IFFO2: variants seen among roughly 807,000 people sequenced by gnomAD.
The protein encoded by IFFO2 is intermediate filament family orphan 2.
IFFO2 carries 19 observed loss-of-function variants against 53.5 expected under a neutral mutation model. The ratio of observed to expected loss-of-function variants is 0.36; its 90% CI spans 0.25 to 0.52. IFFO2 has a LOEUF of 0.52. IFFO2 is among the 20% of genes least tolerant of loss of function. IFFO2 has a pLI of 0.94. For synonymous variants in IFFO2, 303 were observed against 313.6 expected (o/e 0.97, Z 0.36); for missense variants, 570 against 727.4 (o/e 0.78, Z 2.49).
In IFFO2 at chr1:18,906,177, A is replaced by G. The variant is rs1392438251; in HGVS notation, c.*2384T>C. On this transcript the variant is annotated 3_prime_UTR_variant, in exon 9 of 9. Transcript: ENST00000455833. ...GTCCTCACTCCCAAGAGGAGAGCAGATATTAAAAGCCAGCCAGAAGGGACT... is the reference window on the plus strand; with the variant it reads ...GTCCTCACTCCCAAGAGGAGAGCAGGTATTAAAAGCCAGCCAGAAGGGACT... 6.6e-6 allele frequency: 1 copy of G among 152,236 alleles called. No homozygotes were observed. The highest frequency in any genetic ancestry group is 1.5e-5 in the Non-Finnish European group (1 of 68,066). The allele number at this position is 152,236 out of a possible 1,614,324, so 9.4% of individuals were successfully genotyped here.
intron 1 of IFFO2, among the ~76,000 whole-genome samples, chr1:18,951,565 G>A (rs1424046741): frequency 6.6e-6 from 1 of 152,222 alleles, no homozygotes; most frequent in Non-Finnish European, 1.5e-5. Flanking sequence ...CTGTCTGATA[G>A]GCAGCTAGGC....
rs1267091056 is a variant in IFFO2, at chr1:18,916,161, A to G, written c.1103+742T>C. ...GCCTACAAATAAGACCACATCTGCC[A>G]TTGCCCCTTCTGGGTTCATGACATC... On this transcript the variant is annotated intron_variant, in intron 5 of 8. Coordinates refer to ENST00000455833, the MANE Select transcript of IFFO2 (RefSeq NM_001136265.2). The surrounding 1 kb of genome is among the most constrained non-coding windows in gnomAD (Gnocchi z 4.3). Among the ~76,000 whole-genome samples the G allele has an allele frequency of 1.3e-5, 2 of 151,842 alleles. No individual in the cohort carries two copies. Among genetic ancestry groups the G allele is most frequent in the Non-Finnish European group, 2.9e-5 (2 of 67,980 alleles).
At chr1:18,924,123 C>T (rs914973105) in intron 1 of IFFO2, among the ~76,000 whole-genome samples, 6 of 152,242 alleles carry the variant, frequency 3.9e-5, no homozygotes, top group South Asian at 2.1e-4. Flanking sequence ...ACATCCCTCC[C>T]GGCGGTGGTG....
intron 1 of IFFO2, among the ~76,000 whole-genome samples, chr1:18,952,555 A>T (rs1936671583): frequency 6.6e-6 from 1 of 152,260 alleles, no homozygotes; most frequent in Non-Finnish European, 1.5e-5. Context: ...ACATGCTACA[A>T]CATGGATGAA....
In IFFO2 at chr1:18,955,748, G is replaced by C; in HGVS notation, c.585C>G (p.Ile195Met). The change falls in exon 1 of 9, where the codon ATC (isoleucine) becomes ATG (methionine). Residue 195 changes from isoleucine (I) to methionine (M), a missense_variant. By Grantham distance (10) the Ile-to-Met change is conservative. Coordinates refer to ENST00000455833, the MANE Select transcript of IFFO2 (RefSeq NM_001136265.2). ...WVHPDGVGVQ[I>M]DTITPEIRAL... ...CGCGGATCTCCGGCGTGATGGTGTC[G>C]ATCTGCACGCCCACGCCGTCGGGGT... 1 of 1,582,144 alleles carries C rather than the reference G, an allele frequency of 6.3e-7. No homozygotes were observed. Among genetic ancestry groups the C allele is most frequent in the Non-Finnish European group, 8.6e-7 (1 of 1,168,692 alleles).
intron 5 of IFFO2, among the ~76,000 whole-genome samples, chr1:18,914,071 T>G (rs559224107): frequency 2.0e-5 from 3 of 152,230 alleles, no homozygotes; most frequent in Non-Finnish European, 2.9e-5. Context: ...GACCTCGTGA[T>G]CCGCCTGCCT....
rs540682245 is a variant in IFFO2, at chr1:18,917,271, G to T, written c.964-229C>A. On this transcript the variant is annotated intron_variant, in intron 4 of 8. Coordinates refer to ENST00000455833, the MANE Select transcript of IFFO2 (RefSeq NM_001136265.2). The surrounding 1 kb of genome is among the most constrained non-coding windows in gnomAD (Gnocchi z 5.9). ...GCCTGGACTCTTCCCTGCCCTGGGCGGCCTGGTGGGTGCGCCGGCTCGGCT... is the reference window on the plus strand; with the variant it reads ...GCCTGGACTCTTCCCTGCCCTGGGCTGCCTGGTGGGTGCGCCGGCTCGGCT... Among the ~76,000 whole-genome samples the T allele has an allele frequency of 3.3e-5, 5 of 152,142 alleles. No homozygotes were observed. The highest frequency in any genetic ancestry group is 9.7e-5 in the African/African-American group (4 of 41,428).
chr1:18,905,640 T>C lies in IFFO2; in HGVS notation c.*2921A>G, dbSNP rs1935936327. On this transcript the variant is annotated 3_prime_UTR_variant, in exon 9 of 9. Transcript: ENST00000455833. ...CTCAAGACGAGAAAGAAAAATGTGT[T>C]GATTTGCCAATAATTTTTTTCTCTG... 1 of 152,062 alleles carries C rather than the reference T, an allele frequency of 6.6e-6. No individual in the cohort carries two copies. Among genetic ancestry groups the C allele is most frequent in the African/African-American group, 2.4e-5 (1 of 41,382 alleles). The allele number at this position is 152,062 out of a possible 1,614,324, so 9.4% of individuals were successfully genotyped here. A position where few individuals can be genotyped will look rare whatever the true frequency, so the allele number is the denominator to read the frequency against.
Position 18,913,002 on chromosome 1 carries a change from A to G in IFFO2, c.1104-919T>C, listed in dbSNP as rs376220227. Among the ~76,000 whole-genome samples the G allele has an allele frequency of 7.7e-4, 118 of 152,350 alleles. 4 individuals carry two copies. In the South Asian group the frequency reaches 0.023, roughly 30 times the overall value. ...TTTCCAAGGGGAAGGCTGAGTCTGT[A>G]GGAGTGAAATCACTTGACTCAGTGC... On this transcript the variant is annotated intron_variant, in intron 5 of 8. Transcript: ENST00000455833.
rs562013743 is a variant in IFFO2, at chr1:18,934,208, T to C, written c.666-13087A>G. 3.3e-5 allele frequency among the ~76,000 whole-genome samples: 5 copies of C among 151,874 alleles called. No homozygotes were observed. In the East Asian group the frequency reaches 5.8e-4, roughly 18 times the overall value. ...TCAGCCTCTGGAGCAGCTGGGACTATAGGCATGAGCCACCATGCCCAGTTA... is the reference window on the plus strand; with the variant it reads ...TCAGCCTCTGGAGCAGCTGGGACTACAGGCATGAGCCACCATGCCCAGTTA... On this transcript the variant is annotated intron_variant, in intron 1 of 8. Coordinates refer to ENST00000455833, the MANE Select transcript of IFFO2 (RefSeq NM_001136265.2).
rs1474889984 is a variant in IFFO2 at position 18,947,669 on chromosome 1, GC to G, written c.665+7998del. On this transcript the variant is annotated intron_variant, in intron 1 of 8. Coordinates refer to ENST00000455833, the MANE Select transcript of IFFO2 (RefSeq NM_001136265.2). The surrounding 1 kb of genome is among the most constrained non-coding windows in gnomAD (Gnocchi z 5.0). ...AACTCCTCCCCTGCCAGCCCTGCCA[GC>G]CCCCATTGAGACCTTCTCCAAAGAG... 6.6e-6 allele frequency among the ~76,000 whole-genome samples: 1 copy of G among 152,118 alleles called. No individual in the cohort carries two copies. The highest frequency in any genetic ancestry group is 1.5e-5 in the Non-Finnish European group (1 of 68,010).
At chr1:18,934,053 A>ATTTC (rs1936413801) in intron 1 of IFFO2, among the ~76,000 whole-genome samples, 1 of 47,770 alleles carries the variant, frequency 2.1e-5, no homozygotes, top group African/African-American at 1.2e-4. Flanking sequence ...TATTTCTCTT[A>ATTTC]TTTCTTTTTT....
intron 5 of IFFO2, among the ~76,000 whole-genome samples, chr1:18,914,798 G>C (rs1036449394): frequency 6.7e-6 from 1 of 148,592 alleles, no homozygotes. Context: ...ACTCCAGCCT[G>C]GGCAACAGAA....
In IFFO2 at chr1:18,918,644, C is replaced by G; in HGVS notation, c.823-142G>C. On this transcript the variant is annotated intron_variant, in intron 3 of 8. Coordinates refer to ENST00000455833, the MANE Select transcript of IFFO2 (RefSeq NM_001136265.2). This position sits in a 1 kb window ranked among gnomAD's most constrained non-coding sequence, Gnocchi z 5.2. ...AGTCCGAGGGTGCCTTGGGCTTTTC[C>G]GTGGAGTGGAGGGCTGCGGCGGCAC... 14 of 480,238 alleles carry G rather than the reference C, an allele frequency of 2.9e-5. No homozygotes were observed. The highest frequency in any genetic ancestry group is 1.3e-4 in the East Asian group (2 of 15,416). 29.7% of individuals were successfully genotyped at this position (480,238 alleles called of 1,614,324 possible).
intron 1 of IFFO2, among the ~76,000 whole-genome samples, chr1:18,926,063 TGGA>T (rs1361861202): frequency 2.3e-4 from 21 of 93,070 alleles, no homozygotes; most frequent in Admixed American, 3.5e-4. Flanking sequence ...ATTGGTTGGA[TGGA>T]TGGATGGATG....
chr1:18,925,575 G>A (rs1936272040), intron 1 of IFFO2, among the ~76,000 whole-genome samples: 1 of 152,168 alleles, frequency 6.6e-6, no homozygotes, highest in South Asian at 2.1e-4. Context: ...GAAGCAAGAG[G>A]CAAGTTCCCT....
At position 18,908,448 on chromosome 1, in the gene IFFO2, GAA is replaced by G. The variant is rs1215351489; in HGVS notation, c.*111_*112del. ...GGGCCTCCAGAGAAGGGAGGGCAGA[GAA>G]AGTCTGTGTGGTGTGGCTTCGAACC... On this transcript the variant is annotated 3_prime_UTR_variant, in exon 9 of 9. Transcript: ENST00000455833. 1.4e-6 allele frequency: 1 copy of G among 735,142 alleles called. No homozygotes were observed. The highest frequency in any genetic ancestry group is 1.7e-5 in the African/African-American group (1 of 57,310). The allele number at this position is 735,142 out of a possible 1,614,324, so 45.5% of individuals were successfully genotyped here.
intron 1 of IFFO2, among the ~76,000 whole-genome samples, chr1:18,951,003 C>T (rs991671345): frequency 7.9e-5 from 12 of 152,178 alleles, no homozygotes; most frequent in Non-Finnish European, 1.3e-4. Context: ...CATGTCGAGG[C>T]GGGGAGGCCA....
chr1:18,943,000 G>A (rs978958051), intron 1 of IFFO2, among the ~76,000 whole-genome samples: 2 of 151,804 alleles, frequency 1.3e-5, no homozygotes, highest in African/African-American at 2.4e-5. Flanking sequence ...CACCACACCC[G>A]GCAAATTTAA....
Sources: gnomAD v4.1 joint callset for allele counts (sites outside exome capture counted in the v4.1 genomes callset) on GRCh38, gnomAD v4.1.1 for gene constraint, Gnocchi (gnomAD v3.1) non-coding constraint, MANE v1.5 for transcripts, NCBI Gene and HGNC (gene_info 2026-07-23, HGNC 2026-07-21) for gene names.